Variants in DPY30 observed in about 807,000 individuals in gnomAD.
DPY30 encodes the protein dpy-30 histone methyltransferase complex regulatory subunit, also known as protein dpy-30 homolog.
A neutral mutation model predicts 16.2 loss-of-function variants in DPY30; 6 were observed. That is an observed-to-expected ratio of 0.37 (90% confidence interval 0.20 to 0.73). The LOEUF (loss-of-function observed/expected upper bound fraction) is 0.73. Ranked by LOEUF, DPY30 falls within the 30% of genes least tolerant of loss-of-function variation. The pLI is 0.51. For missense variants in DPY30, 73 were observed against 113.1 expected (o/e 0.65, Z 1.61); for synonymous variants, 39 against 38.8 (o/e 1.00, Z -0.02).
intron 3 of DPY30, among the ~76,000 whole-genome samples, chr2:32,038,135 CTTTTTTTTT>C (rs35016868): frequency 1.9e-5 from 2 of 108,058 alleles, no homozygotes; most frequent in African/African-American, 3.4e-5. Context: ...CATTTTCTTT[CTTTTTTTTT>C]TTTTTTTTTT....
chr2:32,019,095 A>G (rs1368808140), downstream of DPY30, among the ~76,000 whole-genome samples: 1 of 152,110 alleles, frequency 6.6e-6, no homozygotes, highest in Non-Finnish European at 1.5e-5. Context: ...ACTTTTATTT[A>G]TCTATTTATT....
At chr2:32,039,072 A>G (rs1675865483) in intron 3 of DPY30, among the ~76,000 whole-genome samples, 1 of 152,230 alleles carries the variant, frequency 6.6e-6, no homozygotes, top group Admixed American at 6.5e-5. Context: ...ATAAAAGTTC[A>G]ATCCTTTGAC....
intron 3 of DPY30, 139 bp downstream of exon 3, chr2:32,039,140 G>T (rs1003564511): frequency 4.7e-5 from 46 of 977,634 alleles, no homozygotes; most frequent in Non-Finnish European, 6.7e-5. Context: ...AATAAAACAA[G>T]CTACCCATAA....
intron 3 of DPY30, among the ~76,000 whole-genome samples, chr2:32,031,592 G>T (rs975565681): frequency 6.7e-6 from 1 of 150,286 alleles, no homozygotes; most frequent in Admixed American, 6.6e-5. Flanking sequence ...GCAAGATTCC[G>T]TCTCAAAACG....
Position 32,029,667 on chromosome 2 carries a change from G to A in DPY30, c.154C>T (p.Pro52Ser). ...GTCTGATCCAGGTAGGCACGAGTTG[G>A]CAAAGACTGGAGATCTACCTTCTGC... ...SKQKVDLQSL[P>S]TRAYLDQTVV... is the part of the protein sequence containing the mutation. Residue 52 changes from proline to serine, a missense_variant, in exon 4 of 5, where the codon CCA (proline) becomes TCA (serine). By Grantham distance (74) the Pro-to-Ser change is moderately conservative. Around this residue, in one of 3 missense-constraint regions of DPY30, gnomAD observed 52 missense variants for 71.5 expected, o/e 0.73. Transcript: ENST00000342166. 1 of 1,613,982 alleles carries A rather than the reference G, an allele frequency of 6.2e-7. No individual in the cohort carries two copies. The highest frequency in any genetic ancestry group is 8.5e-7 in the Non-Finnish European group (1 of 1,179,954).
intron 5 of DPY30, among the ~76,000 whole-genome samples, chr2:32,012,242 T>C (rs1472385969): frequency 6.6e-6 from 1 of 151,962 alleles, no homozygotes; most frequent in Admixed American, 6.6e-5. Context: ...ATCCCTGTCC[T>C]AAAGCCTAGT....
At chr2:32,016,024 G>A (rs1297893808) in intron 5 of DPY30, among the ~76,000 whole-genome samples, 3 of 151,954 alleles carry the variant, frequency 2.0e-5, no homozygotes, top group East Asian at 1.9e-4. Context: ...TCAGCCTCCC[G>A]GGTAGCTGGG....
intron 3 of DPY30, among the ~76,000 whole-genome samples, chr2:32,037,054 T>G (rs1675770606): frequency 6.6e-6 from 1 of 152,188 alleles, no homozygotes; most frequent in African/African-American, 2.4e-5. Context: ...AATCTACAAC[T>G]GGCAAAATAT....
At chr2:32,022,016 C>T (rs1017428455), downstream of DPY30, among the ~76,000 whole-genome samples, 1 of 151,954 alleles carries the variant, frequency 6.6e-6, no homozygotes, top group African/African-American at 2.4e-5. Flanking sequence ...TCGAGACCAG[C>T]CTGGCCACCA....
downstream of DPY30, among the ~76,000 whole-genome samples, chr2:32,019,503 G>A (rs1327765615): frequency 1.3e-5 from 2 of 151,730 alleles, no homozygotes; most frequent in East Asian, 1.9e-4. Context: ...ACAGCCAGAC[G>A]CTGTCTCAAA....
chr2:32,028,694 T>TA (rs1457578287), intron 4 of DPY30, among the ~76,000 whole-genome samples: 7 of 152,134 alleles, frequency 4.6e-5, no homozygotes, highest in Non-Finnish European at 7.4e-5. Context: ...CTCAGGAAGC[T>TA]AAGGCAGAAT....
intron 3 of DPY30, among the ~76,000 whole-genome samples, chr2:32,038,951 G>A (rs1675859461): frequency 6.6e-6 from 1 of 152,046 alleles, no homozygotes. Flanking sequence ...CCCGGCGAAG[G>A]GTTTCTTAAT....
chr2:32,027,736 C>T (rs573465791), intron 4 of DPY30, among the ~76,000 whole-genome samples: 143 of 147,258 alleles, frequency 9.7e-4, no homozygotes, highest in African/African-American at 3.5e-3. Context: ...TCACGCCATT[C>T]TCCTGCCTCA....
downstream of DPY30, among the ~76,000 whole-genome samples, chr2:32,019,739 G>T (rs1675135171): frequency 6.7e-6 from 1 of 148,492 alleles, no homozygotes; most frequent in African/African-American, 2.5e-5. Context: ...AGATTTGCTT[G>T]AACCCAGGAG....
At chr2:32,017,217 A>G (rs1338039024) in intron 5 of DPY30, among the ~76,000 whole-genome samples, 3 of 152,192 alleles carry the variant, frequency 2.0e-5, no homozygotes, top group African/African-American at 7.2e-5. Flanking sequence ...ACTTCCATTT[A>G]ACCAGTTTAT....
chr2:32,019,855 TAC>T (rs1302726322), downstream of DPY30, among the ~76,000 whole-genome samples: 10 of 139,974 alleles, frequency 7.1e-5, no homozygotes, highest in East Asian at 4.1e-4. Flanking sequence ...TATATATATA[TAC>T]ACACACATAT....
intron 5 of DPY30, among the ~76,000 whole-genome samples, chr2:32,016,691 T>C (rs191916832): frequency 1.3e-3 from 191 of 152,226 alleles, no homozygotes; most frequent in Non-Finnish European, 1.8e-3. Flanking sequence ...CCTGATTCAA[T>C]CTACTGATAC....
chr2:32,037,750 G>A (rs888174611), intron 3 of DPY30, among the ~76,000 whole-genome samples: 2 of 151,836 alleles, frequency 1.3e-5, no homozygotes, highest in African/African-American at 4.8e-5. Flanking sequence ...TAGAGACGGA[G>A]TTTCACCATG....
chr2:32,036,900 G>A (rs908568802), intron 3 of DPY30, among the ~76,000 whole-genome samples: 4 of 151,858 alleles, frequency 2.6e-5, no homozygotes, highest in East Asian at 1.9e-4. Flanking sequence ...ACCAAGACAC[G>A]CCACAACCAA....
Sources: allele counts gnomAD v4.1 joint callset (sites outside exome capture counted in the v4.1 genomes callset), GRCh38; gene constraint gnomAD v4.1.1; regional missense constraint gnomAD v4.1.1; transcripts MANE v1.5; gene names NCBI Gene and HGNC (gene_info 2026-07-23, HGNC 2026-07-21).